DCDC2: variants seen among roughly 807,000 people sequenced by gnomAD.
The protein encoded by DCDC2 is doublecortin domain-containing protein 2.
In DCDC2, 40 loss-of-function variants were observed where a neutral mutation model predicts 50.2. The observed-to-expected ratio is 0.80, with a 90% CI of 0.62 to 1.04. The LOEUF (loss-of-function observed/expected upper bound fraction) is 1.04, where lower values mean the gene tolerates loss of function less well. Among genes scored for constraint, DCDC2 ranks in the 50% least tolerant of loss-of-function variants. The probability of loss-of-function intolerance (pLI) is 0.00; values close to 1 mark genes in which losing one functional copy is unlikely to be tolerated. For synonymous variants in DCDC2, 234 were observed against 210.6 expected, an observed-to-expected ratio of 1.11 and a Z score of -0.96; for missense variants, 570 against 581.9, an observed-to-expected ratio of 0.98 and a Z score of 0.21.
rs1295849816 is a variant in DCDC2 at position 24,312,877 on chromosome 6, T to G, written c.349-10833A>C. 2.6e-5 allele frequency among the ~76,000 whole-genome samples: 4 copies of G among 152,326 alleles called. No individual in the cohort carries two copies. The South Asian group carries it at 8.3e-4, about 32-fold the overall frequency. On this transcript the variant is annotated intron_variant, in intron 2 of 9. Coordinates refer to ENST00000378454, the MANE Select transcript of DCDC2 (RefSeq NM_016356.5). ...TTCAAAACAAAGCAAAGTAAAATATTTCTTTTTTAACCTAAAAATGACCCA... is the reference window on the plus strand; with the variant it reads ...TTCAAAACAAAGCAAAGTAAAATATGTCTTTTTTAACCTAAAAATGACCCA...
rs556623044 is a variant in DCDC2, at chr6:24,304,218, C to T, written c.349-2174G>A. On this transcript the variant is annotated intron_variant, in intron 2 of 9. Transcript: ENST00000378454. ...TTTAACAGGGCTGGGTGTGTTGGCT[C>T]ACGCCTGTAATCCCAACACTTTGGG... Among the ~76,000 whole-genome samples, 11 of 152,324 alleles carry T rather than the reference C, an allele frequency of 7.2e-5. No individual in the cohort carries two copies. In the South Asian group the frequency reaches 1.7e-3, roughly 23 times the overall value.
chr6:24,376,479 G>A, the DCDC2 span, among the ~76,000 whole-genome samples: 2 of 152,174 alleles, frequency 1.3e-5, no homozygotes, highest in Non-Finnish European at 2.9e-5. Context: ...AGTAGAGGCA[G>A]AAGCAGGAAA....
intron 2 of DCDC2, among the ~76,000 whole-genome samples, chr6:24,327,853 AAAGCCTCTCAAATG>A (rs1759902364): frequency 6.6e-6 from 1 of 152,186 alleles, no homozygotes; most frequent in Non-Finnish European, 1.5e-5. Context: ...AAAATTTCTA[AAAGCCTCTCAAATG>A]TGCTTGTCTT....
intron 7 of DCDC2, among the ~76,000 whole-genome samples, chr6:24,234,880 C>A (rs1212277759): frequency 6.6e-6 from 1 of 152,072 alleles, no homozygotes; most frequent in East Asian, 1.9e-4. Context: ...TAATTAGATA[C>A]CACATAGATA....
chr6:24,332,149 G>A (rs1759976154), intron 2 of DCDC2, among the ~76,000 whole-genome samples: 1 of 152,104 alleles, frequency 6.6e-6, no homozygotes, highest in Non-Finnish European at 1.5e-5. Flanking sequence ...TCCAAAAATG[G>A]CCACAGCAAT....
intron 5 of DCDC2, among the ~76,000 whole-genome samples, chr6:24,290,655 CAAT>C (rs936054023): frequency 1.3e-5 from 2 of 151,860 alleles, no homozygotes; most frequent in Non-Finnish European, 2.9e-5. Flanking sequence ...ATCTTCTTCA[CAAT>C]AATAAATTTT....
chr6:24,378,416 C>CA, the DCDC2 span, among the ~76,000 whole-genome samples: 1 of 152,166 alleles, frequency 6.6e-6, no homozygotes, highest in African/African-American at 2.4e-5. Context: ...ACCACCACCC[C>CA]ACTCCTACCT....
chr6:24,364,902 T>C, the DCDC2 span, among the ~76,000 whole-genome samples: 5 of 152,198 alleles, frequency 3.3e-5, no homozygotes, highest in Non-Finnish European at 4.4e-5. Flanking sequence ...AACAGAGATA[T>C]GTATTAAATG....
At chr6:24,237,140 A>T (rs545869516) in intron 7 of DCDC2, among the ~76,000 whole-genome samples, 1 of 152,238 alleles carries the variant, frequency 6.6e-6, no homozygotes, top group South Asian at 2.1e-4. Context: ...CAAAACCACA[A>T]TGAGATAACT....
At chr6:24,349,720 T>A (rs1190169826) in intron 2 of DCDC2, among the ~76,000 whole-genome samples, 1 of 152,132 alleles carries the variant, frequency 6.6e-6, no homozygotes, top group Non-Finnish European at 1.5e-5. Flanking sequence ...CTAAGAAAAC[T>A]GTCTTCATTA....
chr6:24,317,048 C>G (rs1759682901), intron 2 of DCDC2, among the ~76,000 whole-genome samples: 1 of 151,074 alleles, frequency 6.6e-6, no homozygotes, highest in African/African-American at 2.4e-5. Context: ...GCTATTTTTC[C>G]ATGGCAAAAA....
intron 7 of DCDC2, among the ~76,000 whole-genome samples, chr6:24,258,520 C>T (rs1402800946): frequency 6.6e-6 from 1 of 152,166 alleles, no homozygotes; most frequent in Non-Finnish European, 1.5e-5. Flanking sequence ...TTGCAATCCT[C>T]TTGTAAGACA....
intron 2 of DCDC2, among the ~76,000 whole-genome samples, chr6:24,333,752 A>G (rs1387551467): frequency 1.3e-5 from 2 of 152,192 alleles, no homozygotes; most frequent in East Asian, 3.8e-4. Flanking sequence ...GAAATAAAAT[A>G]TAAAACAGAA....
intron 7 of DCDC2, among the ~76,000 whole-genome samples, chr6:24,209,363 T>C (rs1402300866): frequency 6.6e-6 from 1 of 152,192 alleles, no homozygotes; most frequent in East Asian, 1.9e-4. Context: ...GCCATGGTTG[T>C]CTAGTTATTG....
At chr6:24,336,963 G>A (rs1760066866) in intron 2 of DCDC2, among the ~76,000 whole-genome samples, 1 of 152,152 alleles carries the variant, frequency 6.6e-6, no homozygotes, top group South Asian at 2.1e-4. Flanking sequence ...TTTAGATAAG[G>A]AACATGAGGC....
chr6:24,334,374 C>T (rs1439091958), intron 2 of DCDC2, among the ~76,000 whole-genome samples: 1 of 152,072 alleles, frequency 6.6e-6, no homozygotes, highest in Non-Finnish European at 1.5e-5. Flanking sequence ...GTTAAGATGC[C>T]AAATTTTCTT....
At chr6:24,371,780 A>G in the DCDC2 span, among the ~76,000 whole-genome samples, 1 of 152,208 alleles carries the variant, frequency 6.6e-6, no homozygotes, top group Non-Finnish European at 1.5e-5. Context: ...ATTTACAAGA[A>G]AAAAACAAAC....
chr6:24,301,683 ACTC>A (rs747399506), intron 4 of DCDC2, 29 bp downstream of exon 4: 21 of 1,606,430 alleles, frequency 1.3e-5, no homozygotes, highest in Admixed American at 1.7e-5. Flanking sequence ...CAATTCAAAA[ACTC>A]CTCCACTTAC....
At chr6:24,296,935 C>T (rs1202214396) in intron 4 of DCDC2, among the ~76,000 whole-genome samples, 2 of 152,132 alleles carry the variant, frequency 1.3e-5, no homozygotes, top group Admixed American at 6.5e-5. Context: ...ACAGAACTAC[C>T]GTTTGACCCA....
Sources: allele counts gnomAD v4.1 joint callset (sites outside exome capture counted in the v4.1 genomes callset), GRCh38; gene constraint gnomAD v4.1.1; transcripts MANE v1.5; gene names NCBI Gene and HGNC (gene_info 2026-07-23, HGNC 2026-07-21).